Variants in PVT1 observed in about 807,000 individuals in gnomAD.
PVT1 encodes the protein CXCR4/PVT1 fusion.
At chr8:127,901,826 T>A (rs1310715464) in intron 3 of PVT1, among the ~76,000 whole-genome samples, 1 of 151,898 alleles carries the variant, frequency 6.6e-6, no homozygotes, top group Non-Finnish European at 1.5e-5. Context: ...AGTCTTAAAG[T>A]CCTGAGCTCA....
intron 2 of PVT1, among the ~76,000 whole-genome samples, chr8:127,860,638 G>A (rs1386779827): frequency 2.0e-5 from 3 of 151,874 alleles, no homozygotes; most frequent in African/African-American, 7.3e-5. Context: ...GGTGGCACGT[G>A]CCTGTAATCC....
chr8:127,795,191 G>C (rs775426159), intron 1 of PVT1, among the ~76,000 whole-genome samples: 38 of 152,174 alleles, frequency 2.5e-4, no homozygotes, highest in Non-Finnish European at 5.1e-4. Flanking sequence ...GTAACTCCGT[G>C]TTTTGAGACT....
At chr8:127,904,647 G>A (rs926205508) in intron 3 of PVT1, among the ~76,000 whole-genome samples, 1 of 152,224 alleles carries the variant, frequency 6.6e-6, no homozygotes, top group Non-Finnish European at 1.5e-5. Context: ...CACTCATGAA[G>A]TGTTGAGTGT....
chr8:127,974,413 CATT>C (rs1038653077), intron 3 of PVT1, among the ~76,000 whole-genome samples: 3 of 151,904 alleles, frequency 2.0e-5, no homozygotes, highest in East Asian at 1.9e-4. Context: ...TCATCATCAT[CATT>C]ATTATTAATT....
At chr8:128,035,286 G>C (rs1434398102) in intron 4 of PVT1, among the ~76,000 whole-genome samples, 1 of 152,168 alleles carries the variant, frequency 6.6e-6, no homozygotes, top group Non-Finnish European at 1.5e-5. Context: ...CACAGGGTTA[G>C]GAAAACAAAC....
At chr8:128,057,533 C>A (rs1409621535) in intron 4 of PVT1, among the ~76,000 whole-genome samples, 1 of 152,166 alleles carries the variant, frequency 6.6e-6, no homozygotes, top group Non-Finnish European at 1.5e-5. Context: ...GGGTTACAAA[C>A]AAGCACCAGA....
At chr8:128,086,906 C>T (rs1001972414) in intron 5 of PVT1, among the ~76,000 whole-genome samples, 1 of 152,204 alleles carries the variant, frequency 6.6e-6, no homozygotes, top group Admixed American at 6.5e-5. Context: ...TCTTGAGGTT[C>T]TGGAGTTAGA....
At chr8:127,851,971 C>T (rs867245353) in intron 2 of PVT1, 2 of 152,264 alleles carry the variant, frequency 1.3e-5, no homozygotes, top group Admixed American at 6.5e-5. Flanking sequence ...GAGGACTCAT[C>T]TCTAGATCTC....
At chr8:127,892,864 C>T (rs1476723939) in intron 3 of PVT1, among the ~76,000 whole-genome samples, 3 of 152,156 alleles carry the variant, frequency 2.0e-5, no homozygotes, top group African/African-American at 7.2e-5. Flanking sequence ...GAGGCAGATA[C>T]TCCCCACTCC....
intron 4 of PVT1, among the ~76,000 whole-genome samples, chr8:128,003,046 G>T (rs960214316): frequency 3.8e-5 from 5 of 133,290 alleles, no homozygotes; most frequent in African/African-American, 1.4e-4. Context: ...TGCCCAGGCT[G>T]GAGTGCAGTG....
At chr8:127,919,434 T>G (rs563617325) in intron 3 of PVT1, among the ~76,000 whole-genome samples, 2 of 152,350 alleles carry the variant, frequency 1.3e-5, no homozygotes, top group African/African-American at 4.8e-5. Context: ...AGTCTGTTTA[T>G]CTGGGCTTCA....
intron 3 of PVT1, among the ~76,000 whole-genome samples, chr8:127,894,638 ATTGGT>A (rs1411119423): frequency 6.6e-6 from 1 of 152,240 alleles, no homozygotes; most frequent in Non-Finnish European, 1.5e-5. Context: ...AAAGGCAACA[ATTGGT>A]ATGTGCGACC....
At chr8:127,946,473 A>C (rs1285701107) in intron 3 of PVT1, 1 of 152,188 alleles carries the variant, frequency 6.6e-6, no homozygotes, top group Non-Finnish European at 1.5e-5. Context: ...TTGCTCTGGT[A>C]ACTAGTTTGT....
At chr8:127,875,457 C>A (rs1030855721) in intron 2 of PVT1, among the ~76,000 whole-genome samples, 1 of 152,018 alleles carries the variant, frequency 6.6e-6, no homozygotes, top group South Asian at 2.1e-4. Context: ...AGACATATTT[C>A]GAGCCTCCGT....
At chr8:128,072,259 T>C (rs1247065563) in intron 5 of PVT1, among the ~76,000 whole-genome samples, 2 of 152,020 alleles carry the variant, frequency 1.3e-5, no homozygotes, top group Admixed American at 6.6e-5. Context: ...AAAGACATAG[T>C]GTAATTCTTC....
chr8:128,045,729 G>A (rs914863168), intron 4 of PVT1, among the ~76,000 whole-genome samples: 5 of 152,186 alleles, frequency 3.3e-5, no homozygotes, highest in South Asian at 4.1e-4. Context: ...AATGAGGAGC[G>A]GCTTCATAAT....
At chr8:128,027,167 G>C (rs1025509409) in intron 4 of PVT1, among the ~76,000 whole-genome samples, 1 of 152,286 alleles carries the variant, frequency 6.6e-6, no homozygotes, top group South Asian at 2.1e-4. Flanking sequence ...AAAAAGCCAG[G>C]CTCCGAGTCC....
At chr8:128,098,821 T>G (rs1814461272) in intron 6 of PVT1, among the ~76,000 whole-genome samples, 1 of 152,134 alleles carries the variant, frequency 6.6e-6, no homozygotes, top group African/African-American at 2.4e-5. Context: ...TGCCCAGGCC[T>G]CGGGACCCCC....
intron 5 of PVT1, among the ~76,000 whole-genome samples, chr8:128,076,790 T>A (rs925425996): frequency 6.6e-6 from 1 of 152,190 alleles, no homozygotes; most frequent in Non-Finnish European, 1.5e-5. Context: ...TGATGAGGCA[T>A]CCTCAGAGAC....
Sources: allele counts gnomAD v4.1 joint callset (sites outside exome capture counted in the v4.1 genomes callset), GRCh38; gene constraint gnomAD v4.1.1; transcripts MANE v1.5; gene names NCBI Gene and HGNC (gene_info 2026-07-23, HGNC 2026-07-21).